RIMS2: variants seen among roughly 807,000 people sequenced by gnomAD.
RIMS2 encodes the protein regulating synaptic membrane exocytosis 2, also known as regulating synaptic membrane exocytosis protein 2.
A neutral mutation model predicts 174.4 loss-of-function variants in RIMS2; 59 were observed. The observed-to-expected ratio is 0.34, with a 90% confidence interval of 0.27 to 0.42. The LOEUF is 0.42. Ranked by LOEUF, RIMS2 falls within the 10% of genes least tolerant of loss-of-function variation. RIMS2 has a pLI of 1.00. For missense variants in RIMS2, 1,620 were observed against 1,666.3 expected, an observed-to-expected ratio of 0.97 and a Z score of 0.48; for synonymous variants, 606 against 572.5, an observed-to-expected ratio of 1.06 and a Z score of -0.84.
chr8:103,942,835 G>A (rs201827334), exon 14 of RIMS2: 95 of 1,612,022 alleles, frequency 5.9e-5, no homozygotes, highest in African/African-American at 3.3e-4. Context: ...AACTTCAGAC[G>A]CATGATGTCT....
intron 19 of RIMS2, among the ~76,000 whole-genome samples, chr8:104,097,094 A>G (rs1293568454): frequency 6.6e-6 from 1 of 152,174 alleles, no homozygotes; most frequent in Admixed American, 6.5e-5. Flanking sequence ...CTTATACAAC[A>G]TTATTGGAAA....
At chr8:104,195,005 A>G (rs1337823389) in intron 19 of RIMS2, among the ~76,000 whole-genome samples, 2 of 152,232 alleles carry the variant, frequency 1.3e-5, no homozygotes, top group African/African-American at 4.8e-5. Flanking sequence ...TTTTAGGTCA[A>G]GGAAAGGGAA....
chr8:103,842,624 T>C (rs1039494701), intron 3 of RIMS2, among the ~76,000 whole-genome samples: 1 of 152,236 alleles, frequency 6.6e-6, no homozygotes, highest in Non-Finnish European at 1.5e-5. Flanking sequence ...GTGTAATTGC[T>C]TTCCCAAAAG....
At chr8:103,608,593 G>A (rs1241920358) in intron 1 of RIMS2, among the ~76,000 whole-genome samples, 5 of 148,486 alleles carry the variant, frequency 3.4e-5, no homozygotes, top group African/African-American at 5.0e-5. Flanking sequence ...CCCCAGCCTC[G>A]CTGCCGCCTT....
intron 1 of RIMS2, among the ~76,000 whole-genome samples, chr8:103,650,707 C>T (rs1403819869): frequency 6.6e-6 from 1 of 152,226 alleles, no homozygotes; most frequent in Non-Finnish European, 1.5e-5. Flanking sequence ...GGCAGCTATG[C>T]TGCTCTGTGG....
intron 3 of RIMS2, among the ~76,000 whole-genome samples, chr8:103,822,610 T>C (rs948892456): frequency 6.6e-6 from 1 of 151,916 alleles, no homozygotes; most frequent in Admixed American, 6.6e-5. Context: ...TCTCTTATTG[T>C]ATGGTTCTTG....
intron 3 of RIMS2, among the ~76,000 whole-genome samples, chr8:103,786,180 G>T (rs1483081343): frequency 6.6e-6 from 1 of 151,934 alleles, no homozygotes; most frequent in African/African-American, 2.4e-5. Flanking sequence ...TATTCGTCTT[G>T]CTAGTGGTCT....
At chr8:103,762,788 G>C (rs77715651) in intron 2 of RIMS2, among the ~76,000 whole-genome samples, 2 of 152,100 alleles carry the variant, frequency 1.3e-5, no homozygotes, top group Non-Finnish European at 2.9e-5. Flanking sequence ...AGATGGTATA[G>C]CCTTCTACAC....
At chr8:104,068,874 T>C (rs894730859) in intron 19 of RIMS2, among the ~76,000 whole-genome samples, 8 of 152,198 alleles carry the variant, frequency 5.3e-5, no homozygotes, top group Admixed American at 1.3e-4. Context: ...GTAAAATCTA[T>C]AGCCCCTCAA....
At chr8:103,984,329 G>A (rs982023214) in intron 16 of RIMS2, among the ~76,000 whole-genome samples, 2 of 152,090 alleles carry the variant, frequency 1.3e-5, no homozygotes, top group African/African-American at 4.8e-5. Flanking sequence ...TAGCCAGAAT[G>A]TATTAGGAAC....
At chr8:104,175,811 G>T (rs1473378742) in intron 19 of RIMS2, among the ~76,000 whole-genome samples, 1 of 152,216 alleles carries the variant, frequency 6.6e-6, no homozygotes, top group African/African-American at 2.4e-5. Context: ...CACCAAACGG[G>T]CCCAGTAATC....
intron 2 of RIMS2, among the ~76,000 whole-genome samples, chr8:103,724,787 A>G (rs1281840707): frequency 3.3e-5 from 5 of 152,282 alleles, no homozygotes; most frequent in South Asian, 4.1e-4. Context: ...TAGAATTCCC[A>G]TATGCATTCT....
At chr8:103,922,853 T>A (rs2077983042) in intron 10 of RIMS2, among the ~76,000 whole-genome samples, 1 of 147,816 alleles carries the variant, frequency 6.8e-6, no homozygotes, top group Non-Finnish European at 1.5e-5. Context: ...TTTGAAGTTA[T>A]TAAAAAAATC....
intron 19 of RIMS2, among the ~76,000 whole-genome samples, chr8:104,235,666 A>G (rs952463993): frequency 1.3e-5 from 2 of 152,072 alleles, no homozygotes; most frequent in Non-Finnish European, 1.5e-5. Context: ...TCATACACAC[A>G]CATGCATTCA....
chr8:103,539,011 T>C (rs1841256296), intron 1 of RIMS2, among the ~76,000 whole-genome samples: 1 of 152,260 alleles, frequency 6.6e-6, no homozygotes, highest in Non-Finnish European at 1.5e-5. Flanking sequence ...TTGCATATTG[T>C]ATCCAAGTTA....
intron 11 of RIMS2, among the ~76,000 whole-genome samples, chr8:103,929,873 GT>G (rs2079556317): frequency 6.6e-6 from 1 of 151,752 alleles, no homozygotes; most frequent in South Asian, 2.1e-4. Context: ...TCTTCAAGTT[GT>G]TAATCTCTTA....
At chr8:103,994,612 C>A (rs1006315087) in intron 17 of RIMS2, among the ~76,000 whole-genome samples, 5 of 151,950 alleles carry the variant, frequency 3.3e-5, no homozygotes, top group Admixed American at 6.6e-5. Context: ...TAAGGTTGTA[C>A]CAAGTGGATG....
At chr8:103,756,653 T>G (rs2098015507) in intron 2 of RIMS2, among the ~76,000 whole-genome samples, 1 of 152,080 alleles carries the variant, frequency 6.6e-6, no homozygotes, top group South Asian at 2.1e-4. Flanking sequence ...CTCGAACTCC[T>G]GAGTGCAAGC....
intron 19 of RIMS2, among the ~76,000 whole-genome samples, chr8:104,131,642 A>G (rs952073719): frequency 3.3e-5 from 5 of 152,184 alleles, no homozygotes; most frequent in African/African-American, 1.2e-4. Flanking sequence ...TTGCTCTAGG[A>G]GGTGAGTAAT....
Sources: allele counts gnomAD v4.1 joint callset (sites outside exome capture counted in the v4.1 genomes callset), GRCh38; gene constraint gnomAD v4.1.1; transcripts MANE v1.5; gene names NCBI Gene and HGNC (gene_info 2026-07-23, HGNC 2026-07-21).